MSRB3: variants seen among roughly 807,000 people sequenced by gnomAD.
MSRB3 encodes methionine sulfoxide reductase B3, also known as methionine-R-sulfoxide reductase B3.
In MSRB3, 13 loss-of-function variants were observed where a neutral mutation model predicts 21.0. The observed-to-expected ratio is 0.62, with a 90% CI of 0.40 to 0.98. The LOEUF is 0.98. MSRB3 is among the 50% of genes least tolerant of loss of function. The probability of loss-of-function intolerance (pLI) is 0.00; values close to 1 mark genes in which losing one functional copy is unlikely to be tolerated. For missense variants in MSRB3, 199 were observed against 230.3 expected, an observed-to-expected ratio of 0.86 and a Z score of 0.88; for synonymous variants, 87 against 88.6, an observed-to-expected ratio of 0.98 and a Z score of 0.10.
At chr12:65,369,126 C>T in intron 5 of MSRB3, 100 bp downstream of exon 5, 1 of 911,644 alleles carries the variant, frequency 1.1e-6, no homozygotes, top group South Asian at 1.5e-5. Flanking sequence ...TTTAAACAGA[C>T]TAGGCGGTTT....
Position 65,466,026 on chromosome 12 carries a change from G to A in MSRB3, c.*2704G>A, listed in dbSNP as rs1333721026. The A allele has an allele frequency of 6.6e-6, 1 of 152,138 alleles. No homozygotes were observed. Among genetic ancestry groups the A allele is most frequent in the Non-Finnish European group, 1.5e-5 (1 of 68,028 alleles). The allele number at this position is 152,138 out of a possible 1,614,324, so 9.4% of individuals were successfully genotyped here. On this transcript the variant is annotated 3_prime_UTR_variant, in exon 7 of 7. Coordinates refer to ENST00000308259, the MANE Select transcript of MSRB3 (RefSeq NM_001031679.3). ...GCCACAGTGTTGAGGTAGACAAGGA[G>A]GATCAGTGAGAGGCCTCTTCCCTCT...
At chr12:65,408,577 T>A (rs551562585) in intron 5 of MSRB3, among the ~76,000 whole-genome samples, 1 of 152,310 alleles carries the variant, frequency 6.6e-6, no homozygotes, top group Non-Finnish European at 1.5e-5. Flanking sequence ...TTTGTTATTA[T>A]ACAGGAGCCC....
chr12:65,315,534 G>A (rs1874236638), intron 2 of MSRB3, among the ~76,000 whole-genome samples: 1 of 151,946 alleles, frequency 6.6e-6, no homozygotes, highest in Admixed American at 6.6e-5. Context: ...GCCGGGCCTG[G>A]TGGTGCGCCT....
chr12:65,401,753 G>A (rs1592602611), intron 5 of MSRB3, among the ~76,000 whole-genome samples: 1 of 151,846 alleles, frequency 6.6e-6, no homozygotes, highest in Admixed American at 6.6e-5. Flanking sequence ...GGTACCGGTT[G>A]TTCCTTTCCA....
chr12:65,329,076 A>T (rs893480421), intron 4 of MSRB3, among the ~76,000 whole-genome samples: 7 of 152,248 alleles, frequency 4.6e-5, no homozygotes, highest in Non-Finnish European at 1.0e-4. Context: ...ACCTTTACAT[A>T]GGTAAGCAAA....
chr12:65,463,517 T>A lies in MSRB3; in HGVS notation c.*195T>A. On this transcript the variant is annotated 3_prime_UTR_variant, in exon 7 of 7. Coordinates refer to ENST00000308259, the MANE Select transcript of MSRB3 (RefSeq NM_001031679.3). The stretch of plus-strand genomic sequence containing the variant: ...GCAATTGACTAGATCAAGAACTGTT[T>A]ATAGCTTTAGCAAATGGAGACAGCT... 1.6e-6 allele frequency: 1 copy of A among 626,990 alleles called. No individual in the cohort carries two copies. The highest frequency in any genetic ancestry group is 2.7e-6 in the Non-Finnish European group (1 of 372,404). 38.8% of individuals were successfully genotyped at this position (626,990 alleles called of 1,614,324 possible). A position where few individuals can be genotyped will look rare whatever the true frequency, so the allele number is the denominator to read the frequency against.
At chr12:65,380,918 T>G (rs1266096194) in intron 5 of MSRB3, among the ~76,000 whole-genome samples, 6 of 152,168 alleles carry the variant, frequency 3.9e-5, no homozygotes, top group African/African-American at 1.4e-4. Context: ...TGTTTTATGC[T>G]TTTTTAGTCA....
chr12:65,332,132 T>G (rs1379615319), intron 4 of MSRB3, among the ~76,000 whole-genome samples: 1 of 152,230 alleles, frequency 6.6e-6, no homozygotes, highest in Non-Finnish European at 1.5e-5. Flanking sequence ...GCTCTAACTT[T>G]ATTTGAGCAC....
intron 5 of MSRB3, among the ~76,000 whole-genome samples, chr12:65,394,861 T>C (rs1413138808): frequency 6.6e-6 from 1 of 152,168 alleles, no homozygotes; most frequent in Non-Finnish European, 1.5e-5. Context: ...TGACAAAACC[T>C]GACAATCTTT....
intron 1 of MSRB3, chr12:65,279,091 C>T (rs951810529): frequency 3.6e-6 from 5 of 1,392,574 alleles, no homozygotes; most frequent in East Asian, 2.8e-5. Context: ...GGTTTCCCCC[C>T]ACCCGCCGAA....
At chr12:65,339,529 TG>T (rs1467922307) in intron 4 of MSRB3, among the ~76,000 whole-genome samples, 4 of 152,172 alleles carry the variant, frequency 2.6e-5, no homozygotes, top group Non-Finnish European at 5.9e-5. Context: ...AATGTGGGGT[TG>T]GGAAGAGATG....
chr12:65,388,597 G>A lies in MSRB3; in HGVS notation c.292+19571G>A, dbSNP rs576369356. On this transcript the variant is annotated intron_variant, in intron 5 of 6. Coordinates refer to ENST00000308259, the MANE Select transcript of MSRB3 (RefSeq NM_001031679.3). ...TTTTATAAAAGAAAAGAAGCCAAGC[G>A]CAGTGCCTCATGCCTGTAATCCTAG... Among the ~76,000 whole-genome samples, 21 of 152,292 alleles carry A rather than the reference G, an allele frequency of 1.4e-4. No homozygotes were observed. The East Asian group carries it at 3.1e-3, about 22-fold the overall frequency.
At chr12:65,420,751 C>T (rs1243140371) in intron 5 of MSRB3, among the ~76,000 whole-genome samples, 1 of 152,104 alleles carries the variant, frequency 6.6e-6, no homozygotes, top group African/African-American at 2.4e-5. Flanking sequence ...TTCTTGTGTG[C>T]TAAGGATAAT....
At chr12:65,463,098 C>T in intron 6 of MSRB3, 57 bp from the exon 7 acceptor site, 1 of 1,604,606 alleles carries the variant, frequency 6.2e-7, no homozygotes, top group Non-Finnish European at 8.5e-7. Context: ...AATGTGAATT[C>T]CTCTCAAAGC....
At position 65,295,786 on chromosome 12, in the gene MSRB3, A is replaced by G. The variant is rs184319267; in HGVS notation, c.-51-12743A>G. The stretch of plus-strand genomic sequence containing the variant: ...GAATATAAAATGTTGCTAGCATTCT[A>G]TAAGAATAAGAACCTAGGAAAAAAG... On this transcript the variant is annotated intron_variant, in intron 1 of 6. Coordinates refer to ENST00000308259, the MANE Select transcript of MSRB3 (RefSeq NM_001031679.3). Among the ~76,000 whole-genome samples the G allele has an allele frequency of 3.9e-3, 588 of 152,316 alleles. 1 individual carries two copies. The highest frequency in any genetic ancestry group is 0.013 in the African/African-American group (551 of 41,582).
chr12:65,282,379 G>A (rs1872080283), intron 1 of MSRB3, among the ~76,000 whole-genome samples: 1 of 151,796 alleles, frequency 6.6e-6, no homozygotes, highest in Admixed American at 6.6e-5. Context: ...TGTCTGTATA[G>A]TATGCTGAAG....
intron 4 of MSRB3, among the ~76,000 whole-genome samples, chr12:65,345,266 A>G (rs1478412992): frequency 6.6e-6 from 1 of 152,088 alleles, no homozygotes; most frequent in East Asian, 1.9e-4. Flanking sequence ...TCATCAGACC[A>G]TTACATCTAC....
At chr12:65,331,725 G>A (rs568302123) in intron 4 of MSRB3, among the ~76,000 whole-genome samples, 3 of 152,352 alleles carry the variant, frequency 2.0e-5, no homozygotes, top group Admixed American at 6.5e-5. Context: ...CTGGAAAGCA[G>A]AGTATGCTAC....
chr12:65,398,008 T>C (rs150585452), intron 5 of MSRB3, among the ~76,000 whole-genome samples: 3,055 of 152,322 alleles, frequency 0.02, 67 homozygotes, highest in African/African-American at 0.05. Flanking sequence ...CAGTCTATCA[T>C]TGATGGGCAT....
Sources: gnomAD v4.1 joint callset for allele counts (sites outside exome capture counted in the v4.1 genomes callset) on GRCh38, gnomAD v4.1.1 for gene constraint, MANE v1.5 for transcripts, NCBI Gene and HGNC (gene_info 2026-07-23, HGNC 2026-07-21) for gene names.